The following PCNX2 variants were observed in gnomAD, a reference collection of about 807,000 sequenced individuals.
PCNX2 encodes the protein pecanex 2.
A neutral mutation model predicts 223.8 loss-of-function variants in PCNX2; 168 were observed. The observed-to-expected ratio is 0.75, with a 90% CI of 0.66 to 0.85. The LOEUF (loss-of-function observed/expected upper bound fraction) is 0.85, where lower values mean the gene tolerates loss of function less well. Ranked by LOEUF, PCNX2 falls within the 40% of genes least tolerant of loss-of-function variation. PCNX2 has a pLI of 0.00. For synonymous variants in PCNX2, 1,006 were observed against 1,052.6 expected, an observed-to-expected ratio of 0.96 and a Z score of 0.86; for missense variants, 2,507 against 2,675.5, an observed-to-expected ratio of 0.94 and a Z score of 1.39.
At chr1:233,169,289 A>G (rs1305672586) in intron 17 of PCNX2, among the ~76,000 whole-genome samples, 2 of 152,066 alleles carry the variant, frequency 1.3e-5, no homozygotes, top group Non-Finnish European at 2.9e-5. Flanking sequence ...TTTTCTCTGT[A>G]TATTTTGGAT....
chr1:233,275,307 A>T (rs1345492251), intron 1 of PCNX2, among the ~76,000 whole-genome samples: 1 of 151,936 alleles, frequency 6.6e-6, no homozygotes. Flanking sequence ...CGTTCAAGTG[A>T]TTCTCCTGCT....
chr1:233,279,216 GCT>G (rs1661060019), intron 1 of PCNX2, among the ~76,000 whole-genome samples: 1 of 151,940 alleles, frequency 6.6e-6, no homozygotes, highest in Non-Finnish European at 1.5e-5. Context: ...GAATGACATT[GCT>G]CTTTTTGTTT....
intron 26 of PCNX2, chr1:233,018,843 A>G: frequency 1.0e-6 from 1 of 985,476 alleles, no homozygotes. Context: ...TGTTAGAAAC[A>G]AACGCTTAAT....
intron 25 of PCNX2, among the ~76,000 whole-genome samples, chr1:233,029,912 G>A (rs1359764178): frequency 6.6e-6 from 1 of 151,948 alleles, no homozygotes; most frequent in Non-Finnish European, 1.5e-5. Context: ...TACACATTTA[G>A]GTTTGGTTTT....
the PCNX2 span, among the ~76,000 whole-genome samples, chr1:233,324,133 A>G: frequency 2.0e-5 from 3 of 152,238 alleles, no homozygotes; most frequent in African/African-American, 7.2e-5. Context: ...ACTCTCTTCA[A>G]TTCTAGAAAG....
rs574942107 is a variant in PCNX2, at chr1:232,998,701, G to A, written c.5604-263C>T. 1.3e-4 allele frequency among the ~76,000 whole-genome samples: 20 copies of A among 152,318 alleles called. No individual in the cohort carries two copies. The South Asian group carries it at 3.7e-3, about 28-fold the overall frequency. ...CTGAGGCTTGATAGGGAGCTCTGTC[G>A]TCTTCAGGCAAAACTTCTTAGAATT... is the stretch of plus-strand genomic sequence containing the variant. On this transcript the variant is annotated intron_variant, in intron 31 of 33. Transcript: ENST00000258229.
chr1:233,050,290 A>G (rs1671955720), intron 25 of PCNX2, among the ~76,000 whole-genome samples: 1 of 151,966 alleles, frequency 6.6e-6, no homozygotes, highest in African/African-American at 2.4e-5. Flanking sequence ...TTCCCATCAA[A>G]CTACCAATGT....
chr1:233,256,805 CCT>C (rs1448211198), intron 5 of PCNX2, among the ~76,000 whole-genome samples: 1 of 152,128 alleles, frequency 6.6e-6, no homozygotes, highest in Non-Finnish European at 1.5e-5. Flanking sequence ...TATATACCGC[CCT>C]GTCTGTTAAA....
chr1:233,144,958 T>G (rs752058198), intron 19 of PCNX2, among the ~76,000 whole-genome samples: 70 of 120,168 alleles, frequency 5.8e-4, no homozygotes, highest in Admixed American at 3.1e-3. Context: ...GTTTTGTTTT[T>G]TTTTTTTGTT....
chr1:233,293,207 A>C (rs1661871891), intron 1 of PCNX2, among the ~76,000 whole-genome samples: 1 of 152,244 alleles, frequency 6.6e-6, no homozygotes, highest in African/African-American at 2.4e-5. Flanking sequence ...CTGCAGGAAC[A>C]CAACATTAAA....
chr1:233,211,797 C>A, intron 12 of PCNX2: 1 of 985,388 alleles, frequency 1.0e-6, no homozygotes, highest in Non-Finnish European at 1.2e-6. Context: ...TCTTTAAACA[C>A]AGAATGTGAA....
At chr1:233,033,139 T>C in intron 25 of PCNX2, 1 of 985,402 alleles carries the variant, frequency 1.0e-6, no homozygotes. Context: ...CTGTCTGGTA[T>C]TTCCATTGAA....
chr1:233,178,395 A>G (rs1679606856), intron 16 of PCNX2, among the ~76,000 whole-genome samples: 1 of 152,238 alleles, frequency 6.6e-6, no homozygotes, highest in South Asian at 2.1e-4. Context: ...AACAAATTAC[A>G]TAAGATGCTA....
intron 25 of PCNX2, among the ~76,000 whole-genome samples, chr1:233,046,810 T>C (rs1671839593): frequency 6.6e-6 from 1 of 152,208 alleles, no homozygotes; most frequent in African/African-American, 2.4e-5. Context: ...TATGTTGTTG[T>C]AATATTGACA....
At chr1:233,301,575 C>CA in the PCNX2 span, among the ~76,000 whole-genome samples, 2 of 152,132 alleles carry the variant, frequency 1.3e-5, no homozygotes. Context: ...AAAAGGATTA[C>CA]ATACTATGAC....
intron 1 of PCNX2, among the ~76,000 whole-genome samples, chr1:233,277,306 G>A (rs1329844900): frequency 6.6e-6 from 1 of 152,204 alleles, no homozygotes; most frequent in Non-Finnish European, 1.5e-5. Flanking sequence ...CAGCTTTCAA[G>A]ATAGTGTCTC....
chr1:233,198,394 G>A (rs1026737716), intron 15 of PCNX2, among the ~76,000 whole-genome samples: 3 of 152,154 alleles, frequency 2.0e-5, no homozygotes, highest in Admixed American at 2.0e-4. Context: ...TTTCTTGCCT[G>A]ACACAACTTT....
intron 32 of PCNX2, among the ~76,000 whole-genome samples, chr1:232,988,803 C>T (rs957104737): frequency 1.3e-5 from 2 of 152,194 alleles, no homozygotes; most frequent in South Asian, 2.1e-4. Context: ...ACTCCCCTTC[C>T]AGCTGTGACA....
intron 15 of PCNX2, among the ~76,000 whole-genome samples, chr1:233,197,619 G>C (rs956854693): frequency 6.6e-6 from 1 of 151,976 alleles, no homozygotes; most frequent in Non-Finnish European, 1.5e-5. Context: ...TTCCTCCCAG[G>C]CCCCTCCCCT....
Sources: gnomAD v4.1 joint callset for allele counts (sites outside exome capture counted in the v4.1 genomes callset) on GRCh38, gnomAD v4.1.1 for gene constraint, MANE v1.5 for transcripts, NCBI Gene and HGNC (gene_info 2026-07-23, HGNC 2026-07-21) for gene names.